The following ZMIZ1 variants were observed in gnomAD, a reference collection of about 807,000 sequenced individuals.
ZMIZ1 encodes the protein zinc finger MIZ domain-containing protein 1.
In ZMIZ1, 17 loss-of-function variants were observed where a neutral mutation model predicts 113.9. That is an observed-to-expected ratio of 0.15 (90% CI 0.10 to 0.22). ZMIZ1 has a LOEUF of 0.22. Among genes scored for constraint, ZMIZ1 ranks in the 10% least tolerant of loss-of-function variants. The pLI, the probability that ZMIZ1 is intolerant of heterozygous loss-of-function variation, is 1.00. For synonymous variants in ZMIZ1, 607 were observed against 603.1 expected (o/e 1.01, Z -0.09); for missense variants, 1,059 against 1,477.8 (o/e 0.72, Z 4.65).
intron 7 of ZMIZ1, among the ~76,000 whole-genome samples, chr10:79,260,551 C>T (rs1195745589): frequency 1.3e-5 from 2 of 152,198 alleles, no homozygotes; most frequent in Admixed American, 6.5e-5. Context: ...AACCCAAAGC[C>T]ACCAGCAGTG....
At chr10:79,232,162 C>T (rs1589454135) in intron 7 of ZMIZ1, among the ~76,000 whole-genome samples, 1 of 152,176 alleles carries the variant, frequency 6.6e-6, no homozygotes, top group Admixed American at 6.5e-5. Context: ...CTGTAACCCT[C>T]GTTTGGTGCT....
At chr10:79,250,856 G>A (rs1016710720) in intron 7 of ZMIZ1, among the ~76,000 whole-genome samples, 2 of 152,038 alleles carry the variant, frequency 1.3e-5, no homozygotes, top group Non-Finnish European at 2.9e-5. Flanking sequence ...GGTCCCAGGA[G>A]CCAACACACG....
At chr10:79,158,009 C>T (rs1845971205) in intron 3 of ZMIZ1, among the ~76,000 whole-genome samples, 1 of 152,202 alleles carries the variant, frequency 6.6e-6, no homozygotes, top group Admixed American at 6.5e-5. Flanking sequence ...GTTCCGCCAG[C>T]TTGGCCAGGG....
chr10:79,138,692 A>T lies in ZMIZ1; in HGVS notation c.-226-990A>T, dbSNP rs539090456. Among the ~76,000 whole-genome samples, 24 of 152,326 alleles carry T rather than the reference A, an allele frequency of 1.6e-4. No homozygotes were observed. In the South Asian group the frequency reaches 5.0e-3, roughly 32 times the overall value. On this transcript the variant is annotated intron_variant, in intron 2 of 24. Transcript: ENST00000334512. ...ATGCCTCTCCCTCTTCTTCTGCACA[A>T]CGTTTGCCAAAGCTTGGCCCAGGTA...
At chr10:79,094,432 A>G (rs1461222919) in intron 1 of ZMIZ1, among the ~76,000 whole-genome samples, 1 of 152,256 alleles carries the variant, frequency 6.6e-6, no homozygotes, top group East Asian at 1.9e-4. Context: ...CCTGGGTTCA[A>G]ACCTTCTCGC....
intron 7 of ZMIZ1, among the ~76,000 whole-genome samples, chr10:79,247,289 T>G (rs1850264557): frequency 6.6e-6 from 1 of 152,190 alleles, no homozygotes; most frequent in South Asian, 2.1e-4. Context: ...GGCGGGGCAC[T>G]GATGAGGCCT....
chr10:79,270,695 G>A (rs750156401), intron 7 of ZMIZ1, among the ~76,000 whole-genome samples: 2 of 152,148 alleles, frequency 1.3e-5, no homozygotes, highest in South Asian at 2.1e-4. Flanking sequence ...GTCAACTGTC[G>A]CTTCTGCTGA....
At chr10:79,106,889 C>T (rs1216474866) in intron 1 of ZMIZ1, among the ~76,000 whole-genome samples, 3 of 152,236 alleles carry the variant, frequency 2.0e-5, no homozygotes, top group Admixed American at 6.5e-5. Flanking sequence ...CTAGGACAGC[C>T]CTGGTTTCAG....
At chr10:79,186,220 G>A (rs1375636152) in intron 4 of ZMIZ1, among the ~76,000 whole-genome samples, 1 of 152,214 alleles carries the variant, frequency 6.6e-6, no homozygotes, top group South Asian at 2.1e-4. Flanking sequence ...CCCCTGGTCT[G>A]TCCCATGGTC....
At chr10:79,302,861 G>GT (rs34181232) in intron 18 of ZMIZ1, among the ~76,000 whole-genome samples, 28,132 of 115,764 alleles carry the variant, frequency 0.24, 4,845 homozygotes, top group East Asian at 0.4. Context: ...GCCCAGCTAA[G>GT]TTTTTTTTTT....
At chr10:79,248,222 G>A (rs35527452) in intron 7 of ZMIZ1, among the ~76,000 whole-genome samples, 35 of 152,238 alleles carry the variant, frequency 2.3e-4, no homozygotes, top group African/African-American at 7.9e-4. Flanking sequence ...AGGCTGGAGC[G>A]GCCTGAAACA....
At chr10:79,273,380 G>A (rs1429898717) in intron 7 of ZMIZ1, among the ~76,000 whole-genome samples, 4 of 151,910 alleles carry the variant, frequency 2.6e-5, no homozygotes, top group Non-Finnish European at 5.9e-5. Flanking sequence ...TTTTTGGAGG[G>A]GAATGGAGTC....
At chr10:79,191,373 C>G (rs897282720) in intron 4 of ZMIZ1, among the ~76,000 whole-genome samples, 3 of 151,198 alleles carry the variant, frequency 2.0e-5, no homozygotes, top group East Asian at 3.9e-4. Context: ...AGCTGGTGGT[C>G]GGGGGGGGTC....
intron 7 of ZMIZ1, among the ~76,000 whole-genome samples, chr10:79,233,594 A>G (rs1280515602): frequency 6.6e-6 from 1 of 152,240 alleles, no homozygotes; most frequent in East Asian, 1.9e-4. Context: ...TTAGAGAGGC[A>G]CAAACACTCA....
chr10:79,076,824 A>G (rs1210048378), intron 1 of ZMIZ1, among the ~76,000 whole-genome samples: 1 of 152,162 alleles, frequency 6.6e-6, no homozygotes, highest in Non-Finnish European at 1.5e-5. Flanking sequence ...ATGACAGAGC[A>G]GGACTCTGCC....
chr10:79,093,297 A>T (rs993703808), intron 1 of ZMIZ1, among the ~76,000 whole-genome samples: 83 of 40,068 alleles, frequency 2.1e-3, no homozygotes, highest in African/African-American at 6.8e-3. Context: ...TATTTTATTT[A>T]TTTATTTATT....
intron 1 of ZMIZ1, among the ~76,000 whole-genome samples, chr10:79,095,137 A>G (rs1843129081): frequency 1.3e-5 from 2 of 152,034 alleles, no homozygotes; most frequent in Non-Finnish European, 2.9e-5. Flanking sequence ...TGGGCATTTG[A>G]CTTCCTCTCA....
rs180937029 is a variant in ZMIZ1 at position 79,313,620 on chromosome 10, A to G, written c.*871A>G. 1.5e-3 allele frequency: 346 copies of G among 237,692 alleles called. 2 individuals carry two copies. Among genetic ancestry groups the G allele is most frequent in the African/African-American group, 7.2e-3 (314 of 43,692 alleles). 14.7% of individuals were successfully genotyped at this position (237,692 alleles called of 1,614,324 possible). A position where few individuals can be genotyped will look rare whatever the true frequency, so the allele number is the denominator to read the frequency against. The stretch of plus-strand genomic sequence containing the variant: ...GGGCGCGGGCATATAACCTGTCAGA[A>G]GCAAACAGGAGCGGCAACTTCTAAC... On this transcript the variant is annotated 3_prime_UTR_variant, in exon 25 of 25. Coordinates refer to ENST00000334512, the MANE Select transcript of ZMIZ1 (RefSeq NM_020338.4).
chr10:79,242,727 C>T (rs929076503), intron 7 of ZMIZ1, among the ~76,000 whole-genome samples: 8 of 151,998 alleles, frequency 5.3e-5, no homozygotes, highest in Non-Finnish European at 1.2e-4. Context: ...CGACAGCGCT[C>T]CGGGAGCCCC....
Sources: allele counts gnomAD v4.1 joint callset (sites outside exome capture counted in the v4.1 genomes callset), GRCh38; gene constraint gnomAD v4.1.1; transcripts MANE v1.5; gene names NCBI Gene and HGNC (gene_info 2026-07-23, HGNC 2026-07-21).